The following PTPRD variants were observed in gnomAD, a reference collection of about 807,000 sequenced individuals.
The protein encoded by PTPRD is protein tyrosine phosphatase receptor type D.
PTPRD carries 34 observed loss-of-function variants against 214.5 expected under a neutral mutation model. The observed-to-expected ratio is 0.16, with a 90% CI of 0.12 to 0.21. The LOEUF (loss-of-function observed/expected upper bound fraction) is 0.21. Ranked by LOEUF, PTPRD falls within the 10% of genes least tolerant of loss-of-function variation. PTPRD has a pLI of 1.00. For missense variants in PTPRD, 2,545 were observed against 2,398.7 expected (o/e 1.06, Z -1.27); for synonymous variants, 1,128 against 845.7 (o/e 1.33, Z -5.79).
chr9:8,808,636 A>G (rs1424596155), intron 11 of PTPRD, among the ~76,000 whole-genome samples: 1 of 152,134 alleles, frequency 6.6e-6, no homozygotes, highest in Non-Finnish European at 1.5e-5. Context: ...CAGTAGACTC[A>G]ATACAAAATA....
chr9:10,478,970 A>C (rs1270281171), intron 2 of PTPRD, among the ~76,000 whole-genome samples: 3 of 152,086 alleles, frequency 2.0e-5, no homozygotes, highest in Admixed American at 6.6e-5. Context: ...GAGAAATATT[A>C]ATAATTGAAT....
chr9:10,502,375 C>A (rs2044063789), intron 2 of PTPRD, among the ~76,000 whole-genome samples: 1 of 151,808 alleles, frequency 6.6e-6, no homozygotes, highest in African/African-American at 2.4e-5. Flanking sequence ...GAAGGAGAGA[C>A]TTTACAGAGA....
intron 2 of PTPRD, among the ~76,000 whole-genome samples, chr9:10,404,082 C>A (rs967856044): frequency 1.3e-5 from 2 of 151,750 alleles, no homozygotes; most frequent in East Asian, 3.9e-4. Flanking sequence ...GCCATGCATA[C>A]GTGAAGGTAG....
intron 11 of PTPRD, among the ~76,000 whole-genome samples, chr9:8,973,248 AT>A (rs910802864): frequency 6.6e-6 from 1 of 151,588 alleles, no homozygotes; most frequent in Non-Finnish European, 1.5e-5. Context: ...TGCCAAGTCT[AT>A]TTTTTTCCAT....
At chr9:9,736,299 C>A (rs2098293634) in intron 6 of PTPRD, among the ~76,000 whole-genome samples, 1 of 152,146 alleles carries the variant, frequency 6.6e-6, no homozygotes, top group East Asian at 1.9e-4. Context: ...ACATCTCTCT[C>A]TCTGTGTACT....
At chr9:9,979,043 T>A (rs909580625) in intron 4 of PTPRD, among the ~76,000 whole-genome samples, 11 of 151,912 alleles carry the variant, frequency 7.2e-5, no homozygotes, top group African/African-American at 2.7e-4. Flanking sequence ...TCAGAGAAAA[T>A]ATTATTTTTT....
At chr9:8,811,859 C>T (rs1326474824) in intron 11 of PTPRD, among the ~76,000 whole-genome samples, 1 of 152,174 alleles carries the variant, frequency 6.6e-6, no homozygotes, top group Admixed American at 6.5e-5. Flanking sequence ...ATATTTCCAC[C>T]TTTCGCTAAG....
chr9:9,511,397 T>C (rs1228640468), intron 8 of PTPRD, among the ~76,000 whole-genome samples: 3 of 151,744 alleles, frequency 2.0e-5, no homozygotes, highest in Admixed American at 6.6e-5. Context: ...GGTGAATATC[T>C]GTAGGCCATA....
rs144189809 is a variant in PTPRD, at chr9:9,271,359, C to T, written c.-202-87996G>A. On this transcript the variant is annotated intron_variant, in intron 9 of 45. Coordinates refer to ENST00000381196, the MANE Select transcript of PTPRD (RefSeq NM_002839.4). ...TAATTTGGAAAAGTACGTTCACCTT[C>T]TCCAAACTTCTAATTAACTATTTAT... Among the ~76,000 whole-genome samples the T allele has an allele frequency of 1.8e-3, 269 of 150,966 alleles. 1 individual carries two copies. Among genetic ancestry groups the T allele is most frequent in the African/African-American group, 6.3e-3 (261 of 41,336 alleles).
At chr9:10,230,470 A>ATCTATCTATCTATCTATCTG (rs2099605559) in intron 3 of PTPRD, among the ~76,000 whole-genome samples, 1 of 151,368 alleles carries the variant, frequency 6.6e-6, no homozygotes, top group South Asian at 2.1e-4. Flanking sequence ...CTATCTATCT[A>ATCTATCTATCTATCTATCTG]TCTATCTGTC....
At chr9:9,541,215 G>A (rs1366824809) in intron 8 of PTPRD, among the ~76,000 whole-genome samples, 2 of 151,738 alleles carry the variant, frequency 1.3e-5, no homozygotes, top group East Asian at 3.9e-4. Context: ...TGTTATATAA[G>A]TGGAGCCTTG....
chr9:9,845,191 T>C (rs921357520), intron 5 of PTPRD, among the ~76,000 whole-genome samples: 2 of 136,018 alleles, frequency 1.5e-5, no homozygotes, highest in African/African-American at 5.6e-5. Flanking sequence ...TTGCTCTATA[T>C]ATATAGCTAT....
At chr9:9,183,896 T>C (rs2099929776) in intron 9 of PTPRD, among the ~76,000 whole-genome samples, 1 of 152,040 alleles carries the variant, frequency 6.6e-6, no homozygotes, top group Admixed American at 6.6e-5. Flanking sequence ...ATTACATTTA[T>C]GTTTAAGAAT....
At chr9:8,687,646 C>T (rs181883297) in intron 12 of PTPRD, among the ~76,000 whole-genome samples, 20 of 151,488 alleles carry the variant, frequency 1.3e-4, no homozygotes, top group African/African-American at 4.6e-4. Context: ...TTTTGGGGTA[C>T]AATATTGCTA....
At chr9:8,517,770 C>T (rs1308722484) in intron 21 of PTPRD, 78 bp downstream of exon 21, 13 of 1,241,808 alleles carry the variant, frequency 1.0e-5, no homozygotes, top group Non-Finnish European at 1.5e-5. Flanking sequence ...ATCTTTGTTC[C>T]TTCTTTGTTT....
At chr9:9,947,743 G>C (rs1161566278) in intron 4 of PTPRD, among the ~76,000 whole-genome samples, 3 of 141,986 alleles carry the variant, frequency 2.1e-5, no homozygotes, top group Non-Finnish European at 3.0e-5. Context: ...TAGCACTGTT[G>C]TGAGAAGTTC....
chr9:10,346,561 C>G (rs1025278606), intron 2 of PTPRD, among the ~76,000 whole-genome samples: 1 of 152,088 alleles, frequency 6.6e-6, no homozygotes, highest in Non-Finnish European at 1.5e-5. Context: ...TATTAGAATT[C>G]CAGAAAATAT....
At chr9:8,747,814 G>C (rs974432493) in intron 11 of PTPRD, among the ~76,000 whole-genome samples, 5 of 152,134 alleles carry the variant, frequency 3.3e-5, no homozygotes, top group African/African-American at 9.7e-5. Flanking sequence ...TTATTTACTA[G>C]ACCAGGCCTT....
At chr9:9,697,377 A>G (rs2097398379) in intron 7 of PTPRD, among the ~76,000 whole-genome samples, 1 of 152,128 alleles carries the variant, frequency 6.6e-6, no homozygotes, top group Admixed American at 6.6e-5. Flanking sequence ...TGATGGTTAT[A>G]AGTTCCCCAT....
Sources: gnomAD v4.1 joint callset for allele counts (sites outside exome capture counted in the v4.1 genomes callset) on GRCh38, gnomAD v4.1.1 for gene constraint, MANE v1.5 for transcripts, NCBI Gene and HGNC (gene_info 2026-07-23, HGNC 2026-07-21) for gene names.